The following PRKCB variants were observed in gnomAD, a reference collection of about 807,000 sequenced individuals.
PRKCB encodes protein kinase C beta type.
Under a neutral mutation model 81.5 loss-of-function variants are expected in PRKCB, and 13 were observed. The observed-to-expected ratio is 0.16, with a 90% CI of 0.10 to 0.25. The LOEUF (loss-of-function observed/expected upper bound fraction) is 0.25. Ranked by LOEUF, PRKCB falls within the 10% of genes least tolerant of loss-of-function variation. The pLI is 1.00. For synonymous variants in PRKCB, 335 were observed against 321.4 expected (o/e 1.04, Z -0.45); for missense variants, 509 against 875.7 (o/e 0.58, Z 5.29).
intron 2 of PRKCB, among the ~76,000 whole-genome samples, chr16:23,900,515 A>G (rs1464572526): frequency 3.9e-5 from 6 of 152,188 alleles, no homozygotes; most frequent in Admixed American, 3.9e-4. Context: ...TCAAGTCTTC[A>G]GTTCTCTGGA....
intron 13 of PRKCB, among the ~76,000 whole-genome samples, chr16:24,182,355 A>G (rs1967639170): frequency 6.6e-6 from 1 of 152,068 alleles, no homozygotes; most frequent in Non-Finnish European, 1.5e-5. Context: ...CCTAATCTCT[A>G]CAAAAAAAAT....
At chr16:24,001,196 G>A (rs760382161) in intron 3 of PRKCB, among the ~76,000 whole-genome samples, 1 of 152,148 alleles carries the variant, frequency 6.6e-6, no homozygotes, top group Non-Finnish European at 1.5e-5. Flanking sequence ...ATTGAACAGG[G>A]TCTCTGGGCA....
chr16:24,067,643 G>T (rs932083675), intron 5 of PRKCB, among the ~76,000 whole-genome samples: 2 of 151,856 alleles, frequency 1.3e-5, no homozygotes, highest in South Asian at 2.1e-4. Context: ...TGGAAGTTTT[G>T]TTTGAATTTC....
intron 4 of PRKCB, among the ~76,000 whole-genome samples, chr16:24,034,404 C>T (rs946212467): frequency 6.6e-6 from 1 of 152,204 alleles, no homozygotes; most frequent in Non-Finnish European, 1.5e-5. Flanking sequence ...CTAGCGTCCC[C>T]CTGGAGAATC....
At chr16:23,855,146 G>A (rs774286857) in intron 2 of PRKCB, among the ~76,000 whole-genome samples, 4 of 152,022 alleles carry the variant, frequency 2.6e-5, no homozygotes, top group Non-Finnish European at 5.9e-5. Context: ...AAAGAGAGCC[G>A]GCGGGGGAGG....
At chr16:23,846,053 A>G (rs1350812656) in intron 2 of PRKCB, among the ~76,000 whole-genome samples, 2 of 152,224 alleles carry the variant, frequency 1.3e-5, no homozygotes, top group African/African-American at 2.4e-5. Context: ...CTGATATATT[A>G]CAACTCTTCA....
At chr16:23,941,103 A>G (rs376347572) in intron 2 of PRKCB, among the ~76,000 whole-genome samples, 5 of 152,346 alleles carry the variant, frequency 3.3e-5, no homozygotes, top group African/African-American at 1.2e-4. Context: ...ACAGGACTAG[A>G]TAGTAAATAT....
At chr16:24,206,050 G>C (rs1039904482) in intron 16 of PRKCB, among the ~76,000 whole-genome samples, 4 of 152,230 alleles carry the variant, frequency 2.6e-5, no homozygotes. Context: ...AAACAAAACA[G>C]ACTTAGTATC....
chr16:24,144,010 TA>T (rs1294918567), intron 9 of PRKCB, among the ~76,000 whole-genome samples: 15 of 152,352 alleles, frequency 9.8e-5, no homozygotes, highest in Non-Finnish European at 1.8e-4. Flanking sequence ...ACCTAAGTTC[TA>T]GAGAAAGCTT....
At chr16:23,974,983 G>A (rs149349706) in intron 2 of PRKCB, among the ~76,000 whole-genome samples, 18 of 152,260 alleles carry the variant, frequency 1.2e-4, no homozygotes, top group African/African-American at 2.4e-4. Context: ...GGGGAAAGCC[G>A]GGCACCTCGA....
intron 16 of PRKCB, among the ~76,000 whole-genome samples, chr16:24,195,561 G>T (rs970751395): frequency 2.6e-5 from 4 of 152,112 alleles, no homozygotes; most frequent in Admixed American, 6.5e-5. Flanking sequence ...ACTTTAAATG[G>T]GTTTTTCTAA....
chr16:23,886,413 T>TGTTTTTTTTTG (rs1567302671), intron 2 of PRKCB, among the ~76,000 whole-genome samples: 2 of 111,318 alleles, frequency 1.8e-5, no homozygotes, highest in Admixed American at 9.0e-5. Context: ...GGTGTTTTTT[T>TGTTTTTTTTTG]TTTTTTTTTT....
intron 2 of PRKCB, among the ~76,000 whole-genome samples, chr16:23,977,205 G>A (rs951815658): frequency 6.6e-6 from 1 of 152,214 alleles, no homozygotes; most frequent in Non-Finnish European, 1.5e-5. Flanking sequence ...CGGTGGAACA[G>A]ATGCAATTGT....
At chr16:24,188,602 A>T (rs77272888) in intron 15 of PRKCB, among the ~76,000 whole-genome samples, 1 of 152,094 alleles carries the variant, frequency 6.6e-6, no homozygotes, top group South Asian at 2.1e-4. Context: ...AAAAAAAAAA[A>T]TTAGTAAAAC....
intron 5 of PRKCB, among the ~76,000 whole-genome samples, chr16:24,076,124 T>A (rs1966174283): frequency 6.6e-6 from 1 of 152,206 alleles, no homozygotes; most frequent in South Asian, 2.1e-4. Flanking sequence ...ATGCTGACGC[T>A]GCTAGTCTGG....
At chr16:24,174,648 T>C in intron 12 of PRKCB, 68 bp downstream of exon 12, 1 of 1,371,708 alleles carries the variant, frequency 7.3e-7, no homozygotes, top group Non-Finnish European at 1.0e-6. Flanking sequence ...TGCCTCTTTC[T>C]TCAGCTGCTT....
At chr16:24,108,993 A>C (rs1226843627) in intron 7 of PRKCB, among the ~76,000 whole-genome samples, 1 of 122,878 alleles carries the variant, frequency 8.1e-6, no homozygotes, top group African/African-American at 3.2e-5. Context: ...TGACCCCCCC[A>C]CCTCCCTCCC....
rs533896492 is a variant in PRKCB, at chr16:24,072,026, AC to A, written c.530-20760del. On this transcript the variant is annotated intron_variant, in intron 5 of 16. Transcript: ENST00000643927. ...CTGATTGCAATTTGGATAGAGTTTA[AC>A]CCCCACCCCACCCCCGCCTTTTGTT... Among the ~76,000 whole-genome samples the A allele has an allele frequency of 6.0e-3, 914 of 151,452 alleles. 13 individuals carry two copies. The highest frequency in any genetic ancestry group is 0.021 in the African/African-American group (870 of 41,234).
chr16:24,081,600 C>T (rs1302308454), intron 5 of PRKCB, among the ~76,000 whole-genome samples: 2 of 152,126 alleles, frequency 1.3e-5, no homozygotes, highest in East Asian at 1.9e-4. Context: ...GGGCTCGGCT[C>T]GGTGGCTCAT....
Sources: gnomAD v4.1 joint callset for allele counts (sites outside exome capture counted in the v4.1 genomes callset) on GRCh38, gnomAD v4.1.1 for gene constraint, MANE v1.5 for transcripts, NCBI Gene and HGNC (gene_info 2026-07-23, HGNC 2026-07-21) for gene names.